SPPL3: variants seen among roughly 807,000 people sequenced by gnomAD.
SPPL3 encodes signal peptide peptidase like 3, also known as signal peptide peptidase-like 3.
SPPL3 carries 5 observed loss-of-function variants against 42.4 expected under a neutral mutation model. The observed-to-expected ratio is 0.12, with a 90% CI of 0.06 to 0.25. The LOEUF (loss-of-function observed/expected upper bound fraction) is 0.25. SPPL3 is among the 10% of genes least tolerant of loss of function. The pLI, the probability that SPPL3 is intolerant of heterozygous loss-of-function variation, is 1.00. For missense variants in SPPL3, 235 were observed against 489.0 expected (o/e 0.48, Z 4.90); for synonymous variants, 195 against 181.8 (o/e 1.07, Z -0.58).
intron 1 of SPPL3, among the ~76,000 whole-genome samples, chr12:120,835,921 C>T (rs913932431): frequency 9.8e-5 from 15 of 152,328 alleles, no homozygotes; most frequent in African/African-American, 3.4e-4. Context: ...ACTTCCCTTG[C>T]AACAGAACTG....
intron 2 of SPPL3, among the ~76,000 whole-genome samples, chr12:120,796,869 C>T (rs561293322): frequency 7.2e-5 from 11 of 152,250 alleles, no homozygotes; most frequent in African/African-American, 2.6e-4. Context: ...CATATGCATA[C>T]ACTAATTAAT....
chr12:120,825,112 C>T (rs1199521321), intron 1 of SPPL3, among the ~76,000 whole-genome samples: 13 of 151,392 alleles, frequency 8.6e-5, no homozygotes, highest in Non-Finnish European at 1.6e-4. Flanking sequence ...ATTACTAACA[C>T]CTTAAACTCA....
chr12:120,786,203 A>T (rs1869716075), intron 3 of SPPL3, among the ~76,000 whole-genome samples: 1 of 152,248 alleles, frequency 6.6e-6, no homozygotes. Context: ...AACAGAAATT[A>T]TCTTGGAAGC....
intron 2 of SPPL3, chr12:120,791,966 C>T: frequency 5.6e-6 from 1 of 178,464 alleles, no homozygotes; most frequent in Non-Finnish European, 1.2e-5. Context: ...TTTCCCTATA[C>T]CCTGTCAGCT....
chr12:120,811,523 C>G (rs557546422), intron 1 of SPPL3: 2 of 152,310 alleles, frequency 1.3e-5, no homozygotes, highest in African/African-American at 4.8e-5. Flanking sequence ...CTTCCACATC[C>G]CGAACTACCC....
chr12:120,768,940 CAT>C lies in SPPL3; in HGVS notation c.609+11_609+12del, dbSNP rs770143826. The C allele has an allele frequency of 6.3e-7, 1 of 1,595,086 alleles. No homozygotes were observed. Among genetic ancestry groups the C allele is most frequent in the Non-Finnish European group, 8.5e-7 (1 of 1,170,318 alleles). The stretch of plus-strand genomic sequence containing the variant: ...CAAAGAAGGGGAGGAGCTCCAAGGA[CAT>C]AAACGCTTACCCAAAAGACATCATA... On this transcript the variant is annotated intron_variant, in intron 7 of 10. Coordinates refer to ENST00000353487, the MANE Select transcript of SPPL3 (RefSeq NM_139015.5).
chr12:120,900,876 C>T (rs151052787), intron 1 of SPPL3, among the ~76,000 whole-genome samples: 152 of 143,754 alleles, frequency 1.1e-3, no homozygotes, highest in African/African-American at 3.8e-3. Context: ...GAGCTTAGAT[C>T]GGGCCACTGC....
chr12:120,897,788 A>G (rs933831172), intron 1 of SPPL3, among the ~76,000 whole-genome samples: 7 of 152,196 alleles, frequency 4.6e-5, no homozygotes, highest in African/African-American at 1.7e-4. Flanking sequence ...ATTTTCAACT[A>G]CTTTCTCTCT....
At chr12:120,867,006 A>G (rs1872773756) in intron 1 of SPPL3, among the ~76,000 whole-genome samples, 1 of 152,196 alleles carries the variant, frequency 6.6e-6, no homozygotes, top group South Asian at 2.1e-4. Context: ...AATCCATCCT[A>G]AGTCATGAGT....
chr12:120,839,867 C>G (rs186461939), intron 1 of SPPL3, among the ~76,000 whole-genome samples: 182 of 151,966 alleles, frequency 1.2e-3, no homozygotes, highest in Non-Finnish European at 2.1e-3. Context: ...AAAATGAACA[C>G]AAATGTTCAA....
At chr12:120,847,526 C>A (rs575367978) in intron 1 of SPPL3, among the ~76,000 whole-genome samples, 1 of 152,060 alleles carries the variant, frequency 6.6e-6, no homozygotes, top group Non-Finnish European at 1.5e-5. Flanking sequence ...CTCCTGAGCT[C>A]AAAGCAATCT....
Position 120,823,292 on chromosome 12 carries a change from C to A in SPPL3, c.24-12406G>T, listed in dbSNP as rs945514781. The stretch of plus-strand genomic sequence containing the variant: ...GAAAGGCCAGTTCACATAGGGCTAC[C>A]AAAGCTAGGGATCTGGCTGTATTTG... On this transcript the variant is annotated intron_variant, in intron 1 of 10. Transcript: ENST00000353487. Among the ~76,000 whole-genome samples, 25 of 151,972 alleles carry A rather than the reference C, an allele frequency of 1.6e-4. 1 individual carries two copies. Among genetic ancestry groups the A allele is most frequent in the Admixed American group, 1.6e-3 (25 of 15,262 alleles).
chr12:120,853,564 C>T (rs959206318), intron 1 of SPPL3, among the ~76,000 whole-genome samples: 1 of 152,090 alleles, frequency 6.6e-6, no homozygotes, highest in Non-Finnish European at 1.5e-5. Context: ...ATGATGCACA[C>T]CAAAGCACAT....
intron 1 of SPPL3, among the ~76,000 whole-genome samples, chr12:120,830,568 G>A (rs1364577834): frequency 0.012 from 152 of 12,260 alleles, 29 homozygotes; most frequent in Admixed American, 0.025. Context: ...GAGGGGTGGG[G>A]GAGGGGGGGA....
chr12:120,816,920 A>G (rs1870899049), intron 1 of SPPL3, among the ~76,000 whole-genome samples: 1 of 152,094 alleles, frequency 6.6e-6, no homozygotes, highest in East Asian at 1.9e-4. Flanking sequence ...GCAATCCTTT[A>G]TATCTTTCTA....
intron 9 of SPPL3, among the ~76,000 whole-genome samples, chr12:120,766,879 C>T (rs497273): frequency 2.0e-5 from 3 of 152,148 alleles, no homozygotes; most frequent in East Asian, 1.9e-4. Context: ...TTGAGGAGGA[C>T]GTACGGAGTG....
intron 1 of SPPL3, among the ~76,000 whole-genome samples, chr12:120,824,493 A>G (rs1469822463): frequency 2.6e-5 from 4 of 152,124 alleles, no homozygotes; most frequent in Non-Finnish European, 4.4e-5. Flanking sequence ...GCAGAATTTA[A>G]TTTTCAAAGA....
rs1868807369 is a variant in SPPL3 at position 120,764,593 on chromosome 12, A to G, written c.*406T>C. 3.1e-6 allele frequency: 1 copy of G among 323,404 alleles called. No homozygotes were observed. The highest frequency in any genetic ancestry group is 5.6e-6 in the Non-Finnish European group (1 of 179,586). The allele number at this position is 323,404 out of a possible 1,614,324, so 20.0% of individuals were successfully genotyped here. On this transcript the variant is annotated 3_prime_UTR_variant, in exon 11 of 11. Transcript: ENST00000353487. ...CTGGTCCCAAAGTTCTCGAGGGGTC[A>G]TTGAAGAAACTTCGGTTTGCTAATT...
intron 1 of SPPL3, among the ~76,000 whole-genome samples, chr12:120,844,285 T>C (rs1871943435): frequency 6.6e-6 from 1 of 152,176 alleles, no homozygotes; most frequent in African/African-American, 2.4e-5. Flanking sequence ...ACCCTTCCAC[T>C]TCTGTTTCCC....
Sources: allele counts gnomAD v4.1 joint callset (sites outside exome capture counted in the v4.1 genomes callset), GRCh38; gene constraint gnomAD v4.1.1; transcripts MANE v1.5; gene names NCBI Gene and HGNC (gene_info 2026-07-23, HGNC 2026-07-21).